Variants in MAFF observed in about 807,000 individuals in gnomAD.
MAFF encodes transcription factor MafF.
MAFF carries 4 observed loss-of-function variants against 2.7 expected under a neutral mutation model. That is an observed-to-expected ratio of 1.48 (90% confidence interval 0.73 to 3.39). MAFF has a LOEUF of 3.39. Ranked by LOEUF, MAFF falls within the 30% of genes most tolerant of loss-of-function variation. MAFF has a pLI of 0.01. For missense variants in MAFF, 190 were observed against 246.6 expected (o/e 0.77, Z 1.54); for synonymous variants, 113 against 119.4 (o/e 0.95, Z 0.35).
intron 1 of MAFF, among the ~76,000 whole-genome samples, chr22:38,206,156 G>A (rs762452892): frequency 1.2e-4 from 19 of 152,104 alleles, no homozygotes; most frequent in Non-Finnish European, 2.8e-4. Flanking sequence ...GCCTGGTCTG[G>A]AGGCAGTGTT....
In MAFF at chr22:38,209,009, A is replaced by T. The variant is rs546965011; in HGVS notation, c.-31-4814A>T. Among the ~76,000 whole-genome samples, 565 of 148,722 alleles carry T rather than the reference A, an allele frequency of 3.8e-3. 4 individuals are homozygous for T. The highest frequency in any genetic ancestry group is 3.9e-3 in the Non-Finnish European group (263 of 67,174). On this transcript the variant is annotated intron_variant, in intron 1 of 2. Coordinates refer to ENST00000338483, the MANE Select transcript of MAFF (RefSeq NM_012323.4). ...TGGGGTGCTGGGAGGGTGGGTCTGG[A>T]CTCCATCCTTAGGATAGTAGGGAAC...
At position 38,215,012 on chromosome 22, in the gene MAFF, T is replaced by A; in HGVS notation, c.*134T>A. 1.4e-6 allele frequency: 1 copy of A among 704,558 alleles called. No homozygotes were observed. The highest frequency in any genetic ancestry group is 2.4e-6 in the Non-Finnish European group (1 of 408,772). 43.6% of individuals were successfully genotyped at this position (704,558 alleles called of 1,614,324 possible). A position where few individuals can be genotyped will look rare whatever the true frequency, so the allele number is the denominator to read the frequency against. ...CCTTGGTGCACACACATTCCCTTCG[T>A]GGGCCCTGTCTTCCTCTTGCAGCCC... is the stretch of plus-strand genomic sequence containing the variant. On this transcript the variant is annotated 3_prime_UTR_variant, in exon 3 of 3. Coordinates refer to ENST00000338483, the MANE Select transcript of MAFF (RefSeq NM_012323.4).
At chr22:38,207,107 T>G (rs1457714985) in intron 1 of MAFF, among the ~76,000 whole-genome samples, 1 of 152,084 alleles carries the variant, frequency 6.6e-6, no homozygotes. Flanking sequence ...GCCTCAGGCC[T>G]GAATTCTATT....
chr22:38,211,387 C>T (rs13055114), intron 1 of MAFF, among the ~76,000 whole-genome samples: 83,519 of 151,878 alleles, frequency 0.55, 23,330 homozygotes, highest in African/African-American at 0.62. Flanking sequence ...CCACCACGCC[C>T]GGCTAATTTT....
In MAFF at chr22:38,216,056, T is replaced by A. The variant is rs2091147239; in HGVS notation, c.*1178T>A. On this transcript the variant is annotated 3_prime_UTR_variant, in exon 3 of 3. Coordinates refer to ENST00000338483, the MANE Select transcript of MAFF (RefSeq NM_012323.4). ...CAAATAAATCACATTTTATCTTATA[T>A]TTAGGGAAAGCCGGAGAGCAACAAC... 6.0e-6 allele frequency: 1 copy of A among 167,124 alleles called. No homozygotes were observed. Among genetic ancestry groups the A allele is most frequent in the African/African-American group, 2.4e-5 (1 of 41,458 alleles). The allele number at this position is 167,124 out of a possible 1,614,324, so 10.4% of individuals were successfully genotyped here.
chr22:38,213,511 T>G (rs1057123853), intron 1 of MAFF: 34 of 433,096 alleles, frequency 7.9e-5, no homozygotes, highest in Non-Finnish European at 1.4e-4. Context: ...CGGGGTTATG[T>G]GATGTGACAC....
chr22:38,209,973 C>T (rs2091085752), intron 1 of MAFF, among the ~76,000 whole-genome samples: 1 of 152,086 alleles, frequency 6.6e-6, no homozygotes, highest in African/African-American at 2.4e-5. Flanking sequence ...TGCACAGAGG[C>T]CCCCAAGGAG....
chr22:38,209,822 AAAAAAAAAAAAAAGGG>A lies in MAFF; in HGVS notation c.-31-3990_-31-3975del, dbSNP rs1181911518. 1.8e-3 allele frequency among the ~76,000 whole-genome samples: 276 copies of A among 151,262 alleles called. 4 individuals carry two copies. Among genetic ancestry groups the A allele is most frequent in the African/African-American group, 6.6e-3 (270 of 40,874 alleles). On this transcript the variant is annotated intron_variant, in intron 1 of 2. Transcript: ENST00000338483. ...GAGCGAGACTCCATCTCAAAAAAAA[AAAAAAAAAAAAAAGGG>A]AAAAAAAAAAGGCCTGCATTGAAAG...
At chr22:38,213,289 G>C (rs536922571) in intron 1 of MAFF, among the ~76,000 whole-genome samples, 29 of 151,912 alleles carry the variant, frequency 1.9e-4, no homozygotes, top group Middle Eastern at 3.4e-3. Context: ...GTCAGGAGAG[G>C]CACATCTATT....
rs1367585135 is a variant in MAFF, at chr22:38,214,822, G to A, written c.439G>A (p.Gly147Arg). The change falls in exon 3 of 3, where the codon GGG becomes AGG. Residue 147 changes from glycine (G) to arginine (R), a missense_variant. This residue lies in a region of MAFF where 103 missense variants were observed against 103.0 expected (regional missense o/e 1.00). Transcript: ENST00000338483. This position sits in a 1 kb window ranked among gnomAD's most constrained non-coding sequence, Gnocchi z 6.3. Reference sequence around the variant, plus strand: ...CATCGTCAAGTCCACCCCGGGCTCGGGGTCTGGCCCCGCCCACGGCCCGGA... The same window carrying A: ...CATCGTCAAGTCCACCCCGGGCTCGAGGTCTGGCCCCGCCCACGGCCCGGA... ...ITIVKSTPGS[G>R]SGPAHGPDPA... 1 of 1,493,704 alleles carries A rather than the reference G, an allele frequency of 6.7e-7. No individual in the cohort carries two copies. Among genetic ancestry groups the A allele is most frequent in the East Asian group, 2.9e-5 (1 of 35,012 alleles). The allele number at this position is 1,493,704 out of a possible 1,614,324, so 92.5% of individuals were successfully genotyped here.
chr22:38,205,888 G>C (rs1204312806), intron 1 of MAFF, among the ~76,000 whole-genome samples: 1 of 152,240 alleles, frequency 6.6e-6, no homozygotes, highest in Non-Finnish European at 1.5e-5. Context: ...AAAGCCTGAG[G>C]TTACCAGAAA....
intron 2 of MAFF, 108 bp downstream of exon 2, chr22:38,213,997 C>A: frequency 3.4e-6 from 4 of 1,183,324 alleles, no homozygotes; most frequent in South Asian, 1.3e-5. Flanking sequence ...GGTGGCTCAG[C>A]AGGCACCAGG....
chr22:38,213,535 C>T (rs1206728487), intron 1 of MAFF: 2 of 505,818 alleles, frequency 4.0e-6, no homozygotes, highest in Non-Finnish European at 7.6e-6. Flanking sequence ...GGCGTTTAGC[C>T]AGAATGGTCA....
chr22:38,208,335 G>A (rs566887909), intron 1 of MAFF, among the ~76,000 whole-genome samples: 5 of 152,260 alleles, frequency 3.3e-5, no homozygotes, highest in Admixed American at 6.5e-5. Flanking sequence ...ACAGAGATGC[G>A]ACTTAAACCC....
At chr22:38,209,813 C>CAAAAAA (rs398037113) in intron 1 of MAFF, among the ~76,000 whole-genome samples, 14 of 76,382 alleles carry the variant, frequency 1.8e-4, no homozygotes, top group Non-Finnish European at 2.8e-4. Context: ...GACTCCATCT[C>CAAAAAA]AAAAAAAAAA....
Position 38,214,006 on chromosome 22 carries a change from G to A in MAFF, c.36+117G>A. 1 of 1,098,250 alleles carries A rather than the reference G, an allele frequency of 9.1e-7. No individual in the cohort carries two copies. Among genetic ancestry groups the A allele is most frequent in the Non-Finnish European group, 1.4e-6 (1 of 737,774 alleles). The allele number at this position is 1,098,250 out of a possible 1,614,324, so 68.0% of individuals were successfully genotyped here. On this transcript the variant is annotated intron_variant, in intron 2 of 2. Transcript: ENST00000338483. This position sits in a 1 kb window ranked among gnomAD's most constrained non-coding sequence, Gnocchi z 6.3. The stretch of plus-strand genomic sequence containing the variant: ...CCCCTGGGTGGCTCAGCAGGCACCA[G>A]GCCTTCATGATGCCAAAGGGAAGGG...
chr22:38,213,648 G>A (rs772423888), intron 1 of MAFF, 175 bp from the exon 2 acceptor site: 8 of 685,514 alleles, frequency 1.2e-5, no homozygotes, highest in South Asian at 9.0e-5. Flanking sequence ...CAGCTCCCGC[G>A]GCTGGAAGGA....
intron 1 of MAFF, among the ~76,000 whole-genome samples, chr22:38,207,667 A>T (rs954693471): frequency 6.6e-6 from 1 of 150,988 alleles, no homozygotes; most frequent in African/African-American, 2.4e-5. Flanking sequence ...GCGGGATCAC[A>T]GCTCACTGCC....
intron 1 of MAFF, among the ~76,000 whole-genome samples, chr22:38,211,637 G>A (rs1163504956): frequency 6.6e-6 from 1 of 152,206 alleles, no homozygotes; most frequent in African/African-American, 2.4e-5. Context: ...ACTTAACACA[G>A]CTACCTGTGT....
Sources: allele counts gnomAD v4.1 joint callset (sites outside exome capture counted in the v4.1 genomes callset), GRCh38; gene constraint gnomAD v4.1.1; regional missense constraint gnomAD v4.1.1; non-coding constraint Gnocchi (gnomAD v3.1); transcripts MANE v1.5; gene names NCBI Gene and HGNC (gene_info 2026-07-23, HGNC 2026-07-21).